Variants in NAALADL2 observed in about 807,000 individuals in gnomAD.
NAALADL2 encodes N-acetylated alpha-linked acidic dipeptidase like 2.
NAALADL2 carries 76 observed loss-of-function variants against 87.2 expected under a neutral mutation model. That is an observed-to-expected ratio of 0.87 (90% confidence interval 0.72 to 1.05). The LOEUF (loss-of-function observed/expected upper bound fraction) is 1.05. Ranked by LOEUF, NAALADL2 falls within the 50% of genes least tolerant of loss-of-function variation. NAALADL2 has a pLI of 0.00. For missense variants in NAALADL2, 1,089 were observed against 945.8 expected (o/e 1.15, Z -1.99); for synonymous variants, 354 against 331.0 (o/e 1.07, Z -0.75).
At position 175,698,365 on chromosome 3, in the gene NAALADL2, A is replaced by T. The variant is rs150194922; in HGVS notation, c.1897-38941A>T. On this transcript the variant is annotated intron_variant, in intron 11 of 13. Transcript: ENST00000454872. Reference sequence around the variant, plus strand: ...TGTATGTGTATTTATGTATGTGTATATATGTATGTGTATTTATGTATGTAT... The same window carrying T: ...TGTATGTGTATTTATGTATGTGTATTTATGTATGTGTATTTATGTATGTAT... Among the ~76,000 whole-genome samples, 31 of 87,876 alleles carry T rather than the reference A, an allele frequency of 3.5e-4. 4 individuals are homozygous for T. Among genetic ancestry groups the T allele is most frequent in the African/African-American group, 7.3e-4 (15 of 20,564 alleles). The allele number at this position is 87,876 out of a possible 152,430, so 57.7% of individuals were successfully genotyped here. A position where few individuals can be genotyped will look rare whatever the true frequency, so the allele number is the denominator to read the frequency against.
chr3:174,621,971 G>C (rs1225383249), intron 2 of NAALADL2, among the ~76,000 whole-genome samples: 1 of 152,140 alleles, frequency 6.6e-6, no homozygotes, highest in Non-Finnish European at 1.5e-5. Context: ...GGACTCTCAA[G>C]ATCTCATCCT....
chr3:175,002,739 C>T (rs1030605805), intron 1 of NAALADL2, among the ~76,000 whole-genome samples: 1 of 152,122 alleles, frequency 6.6e-6, no homozygotes, highest in African/African-American at 2.4e-5. Flanking sequence ...AAATCTGATG[C>T]AAGAACATGT....
chr3:175,110,316 G>T (rs532161142), intron 2 of NAALADL2, among the ~76,000 whole-genome samples: 1 of 151,912 alleles, frequency 6.6e-6, no homozygotes, highest in South Asian at 2.1e-4. Flanking sequence ...ATGATGACCA[G>T]TGGTGTATGT....
chr3:175,693,982 C>T (rs187150863), intron 11 of NAALADL2, among the ~76,000 whole-genome samples: 1 of 152,036 alleles, frequency 6.6e-6, no homozygotes, highest in Non-Finnish European at 1.5e-5. Flanking sequence ...CATGAGCCAC[C>T]GTGCCTGGCC....
chr3:175,423,534 G>A (rs1716243710), intron 5 of NAALADL2, among the ~76,000 whole-genome samples: 1 of 150,054 alleles, frequency 6.7e-6, no homozygotes, highest in Non-Finnish European at 1.5e-5. Context: ...TTTTGTCCTT[G>A]CGATAGTTTA....
At chr3:174,904,123 C>A (rs966748091) in intron 1 of NAALADL2, among the ~76,000 whole-genome samples, 9 of 151,542 alleles carry the variant, frequency 5.9e-5, no homozygotes, top group Non-Finnish European at 1.2e-4. Flanking sequence ...CTAATTTAAA[C>A]CAGTCTCCTA....
At chr3:175,063,558 C>T (rs1367697653) in intron 1 of NAALADL2, among the ~76,000 whole-genome samples, 1 of 152,108 alleles carries the variant, frequency 6.6e-6, no homozygotes, top group African/African-American at 2.4e-5. Flanking sequence ...CTCACTGCAG[C>T]CTCCACCTTC....
At chr3:175,419,585 C>G (rs1295644746) in intron 5 of NAALADL2, among the ~76,000 whole-genome samples, 3 of 151,808 alleles carry the variant, frequency 2.0e-5, no homozygotes, top group Admixed American at 2.0e-4. Context: ...CATTTTAATT[C>G]AAGTGTGTTC....
intron 5 of NAALADL2, among the ~76,000 whole-genome samples, chr3:175,359,592 G>T (rs1764755703): frequency 6.6e-6 from 1 of 151,870 alleles, no homozygotes. Context: ...CAAACTATGT[G>T]CCTTTAATTT....
At chr3:175,642,474 T>C (rs953929127) in intron 11 of NAALADL2, among the ~76,000 whole-genome samples, 1 of 151,692 alleles carries the variant, frequency 6.6e-6, no homozygotes, top group African/African-American at 2.4e-5. Flanking sequence ...TACAGAAACA[T>C]GCCCAAGATA....
chr3:175,356,644 T>C (rs1469489198), intron 5 of NAALADL2, among the ~76,000 whole-genome samples: 1 of 150,276 alleles, frequency 6.7e-6, no homozygotes, highest in Non-Finnish European at 1.5e-5. Flanking sequence ...GTATTCATAT[T>C]GAAGAGAGAA....
chr3:175,490,129 T>G (rs1316497643), intron 9 of NAALADL2, among the ~76,000 whole-genome samples: 1 of 152,148 alleles, frequency 6.6e-6, no homozygotes, highest in Non-Finnish European at 1.5e-5. Context: ...TAGTGAGATG[T>G]TGACTGCCTT....
At chr3:174,621,429 C>G (rs1475475290) in intron 2 of NAALADL2, among the ~76,000 whole-genome samples, 1 of 151,986 alleles carries the variant, frequency 6.6e-6, no homozygotes, top group Non-Finnish European at 1.5e-5. Flanking sequence ...TTTAACTATA[C>G]TATTCATATC....
chr3:175,387,332 C>T (rs904772719), intron 5 of NAALADL2, among the ~76,000 whole-genome samples: 1 of 151,996 alleles, frequency 6.6e-6, no homozygotes, highest in Non-Finnish European at 1.5e-5. Context: ...TTATTTTTAT[C>T]ATTCCTTCTT....
chr3:174,743,075 T>C (rs907968623), intron 3 of NAALADL2, among the ~76,000 whole-genome samples: 1 of 151,778 alleles, frequency 6.6e-6, no homozygotes, highest in Non-Finnish European at 1.5e-5. Flanking sequence ...TAATTCCTGG[T>C]ATCAATCTGA....
At chr3:174,803,651 G>A (rs1719106830) in intron 3 of NAALADL2, among the ~76,000 whole-genome samples, 2 of 152,128 alleles carry the variant, frequency 1.3e-5, no homozygotes, top group African/African-American at 2.4e-5. Context: ...TTTGTATAAG[G>A]TGTAAGGAAG....
At chr3:174,683,822 CTG>C (rs1316145752) in intron 2 of NAALADL2, among the ~76,000 whole-genome samples, 2 of 151,982 alleles carry the variant, frequency 1.3e-5, no homozygotes, top group African/African-American at 4.8e-5. Context: ...ATTTATCACA[CTG>C]TGCATGCAAT....
intron 1 of NAALADL2, among the ~76,000 whole-genome samples, chr3:174,917,782 A>T (rs1734610292): frequency 6.6e-6 from 1 of 151,896 alleles, no homozygotes; most frequent in African/African-American, 2.4e-5. Flanking sequence ...AATTAAAAAG[A>T]GAGAAAATCA....
chr3:174,595,464 A>G (rs1717794343), intron 2 of NAALADL2, among the ~76,000 whole-genome samples: 1 of 152,218 alleles, frequency 6.6e-6, no homozygotes, highest in Admixed American at 6.6e-5. Flanking sequence ...ATTTGGCCAG[A>G]TAAGTTACAC....
Sources: gnomAD v4.1 joint callset for allele counts (sites outside exome capture counted in the v4.1 genomes callset) on GRCh38, gnomAD v4.1.1 for gene constraint, MANE v1.5 for transcripts, NCBI Gene and HGNC (gene_info 2026-07-23, HGNC 2026-07-21) for gene names.